SOX6: variants seen among roughly 807,000 people sequenced by gnomAD.
SOX6 encodes SRY-box transcription factor 6.
In SOX6, 11 loss-of-function variants were observed where a neutral mutation model predicts 97.8. The observed-to-expected ratio is 0.11, with a 90% confidence interval of 0.07 to 0.19. The LOEUF is 0.19. SOX6 is among the 10% of genes least tolerant of loss of function. The pLI, the probability that SOX6 is intolerant of heterozygous loss-of-function variation, is 1.00. For synonymous variants in SOX6, 360 were observed against 371.4 expected, an observed-to-expected ratio of 0.97 and a Z score of 0.35; for missense variants, 810 against 1,039.5, an observed-to-expected ratio of 0.78 and a Z score of 3.04.
Position 16,462,154 on chromosome 11 carries a change from A to T in SOX6, c.-5+14161T>A, listed in dbSNP as rs560214645. 3.1e-4 allele frequency among the ~76,000 whole-genome samples: 47 copies of T among 152,350 alleles called. No homozygotes were observed. In the East Asian group the frequency reaches 8.5e-3, roughly 28 times the overall value. The stretch of plus-strand genomic sequence containing the variant: ...CCACATCTTTAAATAGCTTTCAGAG[A>T]TGAAGATGAAAATTAGATTAACCAC... On this transcript the variant is annotated intron_variant, in intron 1 of 15. Transcript: ENST00000396356.
At chr11:16,261,623 G>A (rs1358276192) in intron 3 of SOX6, among the ~76,000 whole-genome samples, 1 of 148,798 alleles carries the variant, frequency 6.7e-6, no homozygotes, top group East Asian at 2.0e-4. Flanking sequence ...AATAATGGGA[G>A]TCTTCTTTTA....
chr11:16,640,422 T>C (rs544039942), intron 3 of SOX6, among the ~76,000 whole-genome samples: 2 of 152,298 alleles, frequency 1.3e-5, no homozygotes, highest in Admixed American at 6.5e-5. Context: ...ACGCTGGCCT[T>C]ATAAAATGAG....
chr11:16,698,472 T>A (rs943362773), intron 3 of SOX6, among the ~76,000 whole-genome samples: 1 of 152,234 alleles, frequency 6.6e-6, no homozygotes, highest in African/African-American at 2.4e-5. Context: ...ACTTTCTCTT[T>A]ATCAGCAATA....
intron 4 of SOX6, among the ~76,000 whole-genome samples, chr11:16,203,651 T>C (rs1205377029): frequency 6.6e-6 from 1 of 152,136 alleles, no homozygotes; most frequent in East Asian, 1.9e-4. Context: ...TAATCAAGAA[T>C]TGCCTACATA....
intron 4 of SOX6, among the ~76,000 whole-genome samples, chr11:16,188,229 C>CAAAAAAAAAAAAAAAA (rs5789943): frequency 8.8e-6 from 1 of 113,602 alleles, no homozygotes; most frequent in Non-Finnish European, 1.9e-5. Flanking sequence ...AACTCAGGTC[C>CAAAAAAAAAAAAAAAA]AAAAAAAAAA....
At chr11:16,221,390 C>T (rs570668413) in intron 4 of SOX6, among the ~76,000 whole-genome samples, 57 of 152,096 alleles carry the variant, frequency 3.7e-4, no homozygotes, top group African/African-American at 1.2e-3. Flanking sequence ...TAAATGGTGA[C>T]TTTTAAGTAC....
chr11:16,140,907 T>C (rs1850116823), intron 6 of SOX6, among the ~76,000 whole-genome samples: 1 of 152,072 alleles, frequency 6.6e-6, no homozygotes, highest in Non-Finnish European at 1.5e-5. Context: ...ATAAAAAATA[T>C]CTCTTAGCTG....
intron 4 of SOX6, among the ~76,000 whole-genome samples, chr11:16,223,643 G>A (rs914023845): frequency 3.3e-5 from 5 of 152,036 alleles, no homozygotes; most frequent in Admixed American, 6.6e-5. Context: ...TACTTTAATA[G>A]AGAAAGGTTC....
chr11:16,222,518 G>A (rs1295752686), intron 4 of SOX6, among the ~76,000 whole-genome samples: 1 of 152,016 alleles, frequency 6.6e-6, no homozygotes, highest in Admixed American at 6.6e-5. Flanking sequence ...TTGGCCCTAC[G>A]TACAAGGTTT....
intron 13 of SOX6, among the ~76,000 whole-genome samples, chr11:16,008,261 C>A (rs1854614748): frequency 6.6e-6 from 1 of 152,064 alleles, no homozygotes; most frequent in African/African-American, 2.4e-5. Flanking sequence ...TTTTTATCTA[C>A]AGTTGATTGA....
At chr11:16,304,194 G>T (rs1249215447) in intron 3 of SOX6, among the ~76,000 whole-genome samples, 4 of 152,150 alleles carry the variant, frequency 2.6e-5, no homozygotes. Context: ...GGGATTACAG[G>T]TGTGAGACAC....
intron 9 of SOX6, among the ~76,000 whole-genome samples, chr11:16,068,130 G>A (rs975081070): frequency 6.6e-6 from 1 of 151,972 alleles, no homozygotes; most frequent in Non-Finnish European, 1.5e-5. Context: ...GCATCCTTAA[G>A]GAGATGTCAT....
At chr11:16,247,548 C>A (rs1194277636) in intron 3 of SOX6, among the ~76,000 whole-genome samples, 1 of 152,080 alleles carries the variant, frequency 6.6e-6, no homozygotes. Context: ...GAAGGGAAAG[C>A]AAACATGTCC....
chr11:16,620,160 C>A (rs1848524329), intron 3 of SOX6, among the ~76,000 whole-genome samples: 1 of 152,096 alleles, frequency 6.6e-6, no homozygotes, highest in African/African-American at 2.4e-5. Context: ...GTTTAATAGA[C>A]AAGGAGAAAT....
At chr11:16,067,425 A>T (rs1848118065) in intron 9 of SOX6, among the ~76,000 whole-genome samples, 1 of 152,018 alleles carries the variant, frequency 6.6e-6, no homozygotes, top group Non-Finnish European at 1.5e-5. Flanking sequence ...ATGGTTTTAT[A>T]AAGAGCGGTT....
chr11:16,197,773 A>G (rs1200079925), intron 4 of SOX6, among the ~76,000 whole-genome samples: 1 of 152,220 alleles, frequency 6.6e-6, no homozygotes, highest in Non-Finnish European at 1.5e-5. Context: ...GGAATGTCAA[A>G]GAGAAGAAAA....
At chr11:16,022,327 CTTCT>C (rs1469592528) in intron 12 of SOX6, among the ~76,000 whole-genome samples, 7 of 116,152 alleles carry the variant, frequency 6.0e-5, no homozygotes, top group African/African-American at 1.9e-4. Context: ...TCCTTCCTTC[CTTCT>C]TTCCTTCCTT....
intron 3 of SOX6, among the ~76,000 whole-genome samples, chr11:16,264,166 A>T (rs1853995972): frequency 6.6e-6 from 1 of 151,698 alleles, no homozygotes; most frequent in African/African-American, 2.4e-5. Context: ...TCCCCATCCC[A>T]TCCATTCTAC....
chr11:16,580,894 A>G (rs942780694), intron 4 of SOX6, among the ~76,000 whole-genome samples: 5 of 152,196 alleles, frequency 3.3e-5, no homozygotes, highest in African/African-American at 1.2e-4. Flanking sequence ...AACCACAATG[A>G]GATACCATCT....
Sources: allele counts gnomAD v4.1 joint callset (sites outside exome capture counted in the v4.1 genomes callset), GRCh38; gene constraint gnomAD v4.1.1; transcripts MANE v1.5; gene names NCBI Gene and HGNC (gene_info 2026-07-23, HGNC 2026-07-21).